HHAT: variants seen among roughly 807,000 people sequenced by gnomAD.
HHAT encodes hedgehog acyltransferase.
A neutral mutation model predicts 70.8 loss-of-function variants in HHAT; 47 were observed. The observed-to-expected ratio is 0.66, with a 90% confidence interval of 0.53 to 0.85. HHAT has a LOEUF of 0.85. Ranked by LOEUF, HHAT falls within the 40% of genes least tolerant of loss-of-function variation. The pLI is 0.00. For synonymous variants in HHAT, 228 were observed against 247.6 expected (o/e 0.92, Z 0.74); for missense variants, 609 against 604.8 (o/e 1.01, Z -0.07).
chr1:210,522,676 A>G (rs1440503310), intron 9 of HHAT, among the ~76,000 whole-genome samples: 2 of 152,164 alleles, frequency 1.3e-5, no homozygotes, highest in Non-Finnish European at 2.9e-5. Context: ...TATCTCACAG[A>G]GCTGTGATGA....
chr1:210,560,649 C>CAA (rs563941240), intron 9 of HHAT, among the ~76,000 whole-genome samples: 80 of 124,876 alleles, frequency 6.4e-4, no homozygotes, highest in South Asian at 1.4e-3. Flanking sequence ...CCATCTCTAC[C>CAA]AAAAAAAAAA....
chr1:210,406,559 A>G (rs2092339612), intron 6 of HHAT, among the ~76,000 whole-genome samples: 1 of 151,818 alleles, frequency 6.6e-6, no homozygotes, highest in Non-Finnish European at 1.5e-5. Flanking sequence ...AGTCCAGCTA[A>G]TTTTTTGTAT....
At chr1:210,383,802 C>A (rs2090839660) in intron 3 of HHAT, among the ~76,000 whole-genome samples, 1 of 152,142 alleles carries the variant, frequency 6.6e-6, no homozygotes, top group Non-Finnish European at 1.5e-5. Flanking sequence ...ACAAATTGAG[C>A]TACTTTAAAG....
chr1:210,616,693 T>A (rs1021909284), intron 10 of HHAT, among the ~76,000 whole-genome samples: 3 of 151,722 alleles, frequency 2.0e-5, no homozygotes, highest in Admixed American at 6.6e-5. Flanking sequence ...AATATGAAGT[T>A]GTGTAATGTA....
chr1:210,541,451 GC>G (rs748916202), intron 9 of HHAT, among the ~76,000 whole-genome samples: 1 of 152,214 alleles, frequency 6.6e-6, no homozygotes, highest in Non-Finnish European at 1.5e-5. Context: ...ATACCAGCCA[GC>G]TGCGGTGGCT....
At chr1:210,661,144 G>A (rs1677612305) in intron 11 of HHAT, among the ~76,000 whole-genome samples, 1 of 152,164 alleles carries the variant, frequency 6.6e-6, no homozygotes, top group African/African-American at 2.4e-5. Context: ...TACAGAATGG[G>A]AGAAAATTTT....
intron 3 of HHAT, among the ~76,000 whole-genome samples, chr1:210,384,378 G>C (rs2090885104): frequency 6.6e-6 from 1 of 152,170 alleles, no homozygotes; most frequent in African/African-American, 2.4e-5. Flanking sequence ...GGGCTGAGCT[G>C]TTAAGGATTC....
chr1:210,548,457 T>C (rs1314204843), intron 9 of HHAT, among the ~76,000 whole-genome samples: 2 of 152,194 alleles, frequency 1.3e-5, no homozygotes, highest in African/African-American at 4.8e-5. Flanking sequence ...AACAAATTGA[T>C]GAATGGATGA....
At chr1:210,446,481 A>G (rs181115840) in intron 7 of HHAT, among the ~76,000 whole-genome samples, 6 of 152,338 alleles carry the variant, frequency 3.9e-5, no homozygotes, top group African/African-American at 1.2e-4. Context: ...GTTAAAAAGC[A>G]GAATGTTTCT....
chr1:210,498,837 T>G lies in HHAT; in HGVS notation c.1008-14316T>G, dbSNP rs547428126. Among the ~76,000 whole-genome samples the G allele has an allele frequency of 1.6e-3, 246 of 149,766 alleles. 2 individuals carry two copies. Among genetic ancestry groups the G allele is most frequent in the African/African-American group, 5.7e-3 (233 of 40,706 alleles). ...CCATGCTAGAGTCAGTGGTGCGATCTCAGCTCACTGCAACCTCCATCTCCT... is the reference window on the plus strand; with the variant it reads ...CCATGCTAGAGTCAGTGGTGCGATCGCAGCTCACTGCAACCTCCATCTCCT... On this transcript the variant is annotated intron_variant, in intron 8 of 11. Coordinates refer to ENST00000261458, the MANE Select transcript of HHAT (RefSeq NM_018194.6).
At chr1:210,480,899 A>G (rs975070683) in intron 8 of HHAT, among the ~76,000 whole-genome samples, 1 of 152,200 alleles carries the variant, frequency 6.6e-6, no homozygotes, top group African/African-American at 2.4e-5. Flanking sequence ...GACTCCATCC[A>G]TCTATCCATT....
At chr1:210,370,163 CTTTTTT>C (rs200442278) in intron 3 of HHAT, among the ~76,000 whole-genome samples, 4 of 122,386 alleles carry the variant, frequency 3.3e-5, no homozygotes, top group African/African-American at 1.4e-4. Context: ...TCTTCAATGA[CTTTTTT>C]TTTTTTTTTT....
At chr1:210,382,371 A>C (rs760848962) in intron 3 of HHAT, among the ~76,000 whole-genome samples, 2 of 152,198 alleles carry the variant, frequency 1.3e-5, no homozygotes, top group Non-Finnish European at 2.9e-5. Context: ...TTTTACACAC[A>C]AGGAAATTCA....
At chr1:210,658,119 C>T (rs1243308176) in intron 11 of HHAT, among the ~76,000 whole-genome samples, 1 of 152,132 alleles carries the variant, frequency 6.6e-6, no homozygotes, top group African/African-American at 2.4e-5. Context: ...AGAAAGAAGG[C>T]AAGTTCATAG....
chr1:210,466,009 A>C (rs1244346946), intron 8 of HHAT, among the ~76,000 whole-genome samples: 2 of 96,260 alleles, frequency 2.1e-5, no homozygotes, highest in Non-Finnish European at 4.1e-5. Context: ...AAGGAATTGC[A>C]AGGAATGAAT....
chr1:210,381,621 T>C (rs1368577483), intron 3 of HHAT, among the ~76,000 whole-genome samples: 2 of 152,150 alleles, frequency 1.3e-5, no homozygotes, highest in Non-Finnish European at 2.9e-5. Context: ...TTTCTTAGAC[T>C]CTGCTTCATT....
intron 9 of HHAT, among the ~76,000 whole-genome samples, chr1:210,529,785 C>T (rs922256490): frequency 1.3e-5 from 2 of 152,188 alleles, no homozygotes; most frequent in African/African-American, 4.8e-5. Context: ...ACAGTGCTGC[C>T]AGCGGTGTCA....
chr1:210,357,531 C>T (rs7528721), intron 2 of HHAT, among the ~76,000 whole-genome samples: 90,099 of 152,136 alleles, frequency 0.59, 28,450 homozygotes, highest in African/African-American at 0.81. Flanking sequence ...CATTAAAATA[C>T]ACAAATTTGG....
chr1:210,635,712 G>C (rs1671746795), intron 11 of HHAT, among the ~76,000 whole-genome samples: 1 of 152,148 alleles, frequency 6.6e-6, no homozygotes, highest in South Asian at 2.1e-4. Context: ...TTTTTATTTG[G>C]TAGCTCATTA....
Sources: gnomAD v4.1 joint callset for allele counts (sites outside exome capture counted in the v4.1 genomes callset) on GRCh38, gnomAD v4.1.1 for gene constraint, MANE v1.5 for transcripts, NCBI Gene and HGNC (gene_info 2026-07-23, HGNC 2026-07-21) for gene names.